The following GRIA1 variants were observed in gnomAD, a reference collection of about 807,000 sequenced individuals.
GRIA1 encodes glutamate receptor 1.
In GRIA1, 31 loss-of-function variants were observed where a neutral mutation model predicts 99.2. That is an observed-to-expected ratio of 0.31 (90% CI 0.23 to 0.42). GRIA1 has a LOEUF of 0.42. Among genes scored for constraint, GRIA1 ranks in the 10% least tolerant of loss-of-function variants. The pLI is 1.00. For synonymous variants in GRIA1, 438 were observed against 432.4 expected (o/e 1.01, Z -0.16); for missense variants, 782 against 1,157.5 (o/e 0.68, Z 4.71).
chr5:153,513,415 G>A (rs1160417352), intron 2 of GRIA1, among the ~76,000 whole-genome samples: 1 of 152,056 alleles, frequency 6.6e-6, no homozygotes, highest in Non-Finnish European at 1.5e-5. Context: ...CAGATCCCCG[G>A]GAAAACCTAA....
At chr5:153,512,085 G>C (rs758453103) in intron 2 of GRIA1, among the ~76,000 whole-genome samples, 1 of 152,164 alleles carries the variant, frequency 6.6e-6, no homozygotes, top group Non-Finnish European at 1.5e-5. Flanking sequence ...AAATACGAAA[G>C]AGGCAGGTTG....
intron 2 of GRIA1, among the ~76,000 whole-genome samples, chr5:153,637,387 T>G (rs1261828616): frequency 6.6e-6 from 1 of 152,160 alleles, no homozygotes; most frequent in African/African-American, 2.4e-5. Flanking sequence ...CAAGACCAGG[T>G]ACCTTTCTGT....
intron 14 of GRIA1, among the ~76,000 whole-genome samples, chr5:153,799,084 C>A (rs866861195): frequency 3.3e-5 from 5 of 152,024 alleles, no homozygotes; most frequent in South Asian, 2.1e-4. Context: ...CTTTTCCACC[C>A]CCCCCTGACA....
intron 2 of GRIA1, among the ~76,000 whole-genome samples, chr5:153,539,183 A>G (rs1758849057): frequency 6.6e-6 from 1 of 152,210 alleles, no homozygotes. Flanking sequence ...TTTTAATTAA[A>G]GTTATTTAAA....
chr5:153,767,719 G>A (rs866270444), intron 12 of GRIA1, among the ~76,000 whole-genome samples: 1 of 152,256 alleles, frequency 6.6e-6, no homozygotes. Flanking sequence ...AGAACTTCTT[G>A]GCAGCCCCAG....
At chr5:153,781,317 C>A (rs1764611765) in intron 13 of GRIA1, among the ~76,000 whole-genome samples, 1 of 151,838 alleles carries the variant, frequency 6.6e-6, no homozygotes, top group Admixed American at 6.6e-5. Flanking sequence ...TAATCATATT[C>A]TTTATTCCCA....
chr5:153,576,118 C>T (rs1762511279), intron 2 of GRIA1, among the ~76,000 whole-genome samples: 2 of 152,158 alleles, frequency 1.3e-5, no homozygotes, highest in African/African-American at 4.8e-5. Flanking sequence ...TTCTGTGAGC[C>T]TCAGTTTCTC....
At chr5:153,530,153 C>G (rs1757962002) in intron 2 of GRIA1, among the ~76,000 whole-genome samples, 1 of 152,182 alleles carries the variant, frequency 6.6e-6, no homozygotes, top group African/African-American at 2.4e-5. Context: ...TAGGTAGTTA[C>G]TATCATTATA....
At chr5:153,529,586 C>T (rs1425822926) in intron 2 of GRIA1, among the ~76,000 whole-genome samples, 1 of 152,102 alleles carries the variant, frequency 6.6e-6, no homozygotes, top group African/African-American at 2.4e-5. Context: ...TTTTGATGAA[C>T]AGATAAGGAA....
chr5:153,524,462 C>T (rs962619087), intron 2 of GRIA1, among the ~76,000 whole-genome samples: 3 of 152,134 alleles, frequency 2.0e-5, no homozygotes, highest in African/African-American at 7.2e-5. Flanking sequence ...CAAATCTTTC[C>T]TGGTAGGGCT....
At chr5:153,758,627 A>G (rs1762982194) in intron 11 of GRIA1, among the ~76,000 whole-genome samples, 1 of 152,012 alleles carries the variant, frequency 6.6e-6, no homozygotes, top group South Asian at 2.1e-4. Context: ...AAACTTCAAC[A>G]CTTTCCACAA....
intron 2 of GRIA1, among the ~76,000 whole-genome samples, chr5:153,600,012 C>T (rs1189529233): frequency 6.6e-6 from 1 of 151,978 alleles, no homozygotes; most frequent in African/African-American, 2.4e-5. Flanking sequence ...AAGGTGGACA[C>T]GGAGGCACTG....
At chr5:153,602,745 C>T (rs1288699274) in intron 2 of GRIA1, among the ~76,000 whole-genome samples, 4 of 152,164 alleles carry the variant, frequency 2.6e-5, no homozygotes, top group African/African-American at 7.2e-5. Flanking sequence ...CACATCTCTA[C>T]GATGGAGGAA....
chr5:153,625,498 A>C (rs1295136071), intron 2 of GRIA1, among the ~76,000 whole-genome samples: 2 of 152,162 alleles, frequency 1.3e-5, no homozygotes, highest in East Asian at 3.9e-4. Flanking sequence ...ACTGCAGGGG[A>C]TATGTTTATA....
intron 5 of GRIA1, among the ~76,000 whole-genome samples, chr5:153,664,811 C>T (rs1755628264): frequency 6.6e-6 from 1 of 152,132 alleles, no homozygotes; most frequent in Non-Finnish European, 1.5e-5. Flanking sequence ...CATGTTTGGA[C>T]TTTCATTCTT....
intron 11 of GRIA1, among the ~76,000 whole-genome samples, chr5:153,720,734 C>G (rs1043149868): frequency 6.6e-6 from 1 of 152,178 alleles, no homozygotes; most frequent in Non-Finnish European, 1.5e-5. Flanking sequence ...GGGTAAGTCA[C>G]TTTTCTTCTC....
intron 11 of GRIA1, among the ~76,000 whole-genome samples, chr5:153,733,211 C>T (rs796894806): frequency 4.6e-5 from 7 of 151,844 alleles, no homozygotes; most frequent in African/African-American, 1.7e-4. Flanking sequence ...AATGAAGAGG[C>T]AAGTAAAAAT....
intron 13 of GRIA1, among the ~76,000 whole-genome samples, chr5:153,775,918 G>A (rs1378058420): frequency 6.6e-6 from 1 of 151,778 alleles, no homozygotes; most frequent in Non-Finnish European, 1.5e-5. Flanking sequence ...AAAAAAACAT[G>A]GGGCTTGTTT....
chr5:153,621,977 T>G (rs889639798), intron 2 of GRIA1, among the ~76,000 whole-genome samples: 3 of 152,202 alleles, frequency 2.0e-5, no homozygotes, highest in Non-Finnish European at 4.4e-5. Flanking sequence ...TCATCACCAT[T>G]CTAGGAGCTG....
Sources: allele counts gnomAD v4.1 joint callset (sites outside exome capture counted in the v4.1 genomes callset), GRCh38; gene constraint gnomAD v4.1.1; transcripts MANE v1.5; gene names NCBI Gene and HGNC (gene_info 2026-07-23, HGNC 2026-07-21).